The following LRRTM4 variants were observed in gnomAD, a reference collection of about 807,000 sequenced individuals.
The protein encoded by LRRTM4 is leucine-rich repeat transmembrane neuronal protein 4.
In LRRTM4, 25 loss-of-function variants were observed where a neutral mutation model predicts 47.6. That is an observed-to-expected ratio of 0.53 (90% CI 0.38 to 0.73). The LOEUF (loss-of-function observed/expected upper bound fraction) is 0.73. Ranked by LOEUF, LRRTM4 falls within the 30% of genes least tolerant of loss-of-function variation. The pLI, the probability that LRRTM4 is intolerant of heterozygous loss-of-function variation, is 0.00. For missense variants in LRRTM4, 638 were observed against 713.4 expected (o/e 0.89, Z 1.20); for synonymous variants, 311 against 269.5 (o/e 1.15, Z -1.51).
chr2:77,513,802 G>A (rs575745739), intron 3 of LRRTM4, among the ~76,000 whole-genome samples: 85 of 152,062 alleles, frequency 5.6e-4, no homozygotes, highest in African/African-American at 2.0e-3. Flanking sequence ...TTGACCTCAA[G>A]TAATCCACCC....
At chr2:77,173,492 T>C (rs1673110801) in intron 3 of LRRTM4, among the ~76,000 whole-genome samples, 1 of 152,204 alleles carries the variant, frequency 6.6e-6, no homozygotes, top group Non-Finnish European at 1.5e-5. Flanking sequence ...GTTACCTGCC[T>C]GAGCCCTGAA....
chr2:77,104,465 T>A (rs141130362), intron 3 of LRRTM4, among the ~76,000 whole-genome samples: 1 of 152,200 alleles, frequency 6.6e-6, no homozygotes, highest in African/African-American at 2.4e-5. Context: ...AGTGGTGATA[T>A]AGATTTTAAT....
At chr2:77,148,495 C>T (rs1489892216) in intron 3 of LRRTM4, among the ~76,000 whole-genome samples, 3 of 152,078 alleles carry the variant, frequency 2.0e-5, no homozygotes, top group African/African-American at 4.8e-5. Context: ...CTACATTAGC[C>T]AATTTACTTT....
chr2:76,781,993 C>T (rs1378835430), intron 3 of LRRTM4, among the ~76,000 whole-genome samples: 2 of 152,054 alleles, frequency 1.3e-5, no homozygotes, highest in East Asian at 3.9e-4. Flanking sequence ...ATTGTCAAAC[C>T]ATCCTTTGCT....
At chr2:76,933,588 G>C (rs1674845301) in intron 3 of LRRTM4, among the ~76,000 whole-genome samples, 1 of 151,964 alleles carries the variant, frequency 6.6e-6, no homozygotes, top group Non-Finnish European at 1.5e-5. Context: ...ATTAATTATT[G>C]CATTTAGATT....
intron 3 of LRRTM4, among the ~76,000 whole-genome samples, chr2:77,320,918 A>T (rs1677769523): frequency 6.6e-6 from 1 of 152,036 alleles, no homozygotes; most frequent in African/African-American, 2.4e-5. Context: ...CTTTTTTGAT[A>T]TTTCATCTCT....
At chr2:76,845,977 T>G (rs1210320656) in intron 3 of LRRTM4, among the ~76,000 whole-genome samples, 2 of 152,178 alleles carry the variant, frequency 1.3e-5, no homozygotes, top group African/African-American at 4.8e-5. Context: ...TACACGGATT[T>G]TTTTCAACCC....
At chr2:76,983,700 A>G (rs1553440235) in intron 3 of LRRTM4, among the ~76,000 whole-genome samples, 1 of 152,098 alleles carries the variant, frequency 6.6e-6, no homozygotes, top group African/African-American at 2.4e-5. Flanking sequence ...TCAAAATCAT[A>G]CATGAGATAG....
At chr2:76,919,183 GGGAGGTTGGCAGT>G (rs947568609) in intron 3 of LRRTM4, among the ~76,000 whole-genome samples, 40 of 152,128 alleles carry the variant, frequency 2.6e-4, no homozygotes, top group Non-Finnish European at 5.1e-4. Context: ...TTTTGGTGGG[GGGAGGTTGGCAGT>G]GGGAGTTCAA....
chr2:77,290,532 C>T (rs1267784606), intron 3 of LRRTM4, among the ~76,000 whole-genome samples: 3 of 151,582 alleles, frequency 2.0e-5, no homozygotes, highest in African/African-American at 4.8e-5. Context: ...TTGTATATAT[C>T]AAAATAACTA....
chr2:77,362,982 C>T (rs569987023), intron 3 of LRRTM4, among the ~76,000 whole-genome samples: 3 of 152,222 alleles, frequency 2.0e-5, no homozygotes, highest in South Asian at 4.2e-4. Context: ...TCTTTATAAA[C>T]ATCCATATGG....
chr2:77,108,167 C>T (rs1371775381), intron 3 of LRRTM4, among the ~76,000 whole-genome samples: 1 of 151,814 alleles, frequency 6.6e-6, no homozygotes, highest in Non-Finnish European at 1.5e-5. Context: ...TTACTGAATG[C>T]AAGAGCTCAG....
intron 3 of LRRTM4, among the ~76,000 whole-genome samples, chr2:76,760,715 C>G (rs537232768): frequency 5.9e-4 from 90 of 152,302 alleles, no homozygotes; most frequent in Middle Eastern, 3.4e-3. Context: ...CAGCCCAACA[C>G]TGACTTAGCG....
intron 3 of LRRTM4, among the ~76,000 whole-genome samples, chr2:76,813,760 T>C (rs1177975789): frequency 6.6e-6 from 1 of 152,094 alleles, no homozygotes; most frequent in Non-Finnish European, 1.5e-5. Flanking sequence ...CAATAAACCT[T>C]TTTAAGAATA....
At position 76,899,289 on chromosome 2, in the gene LRRTM4, G is replaced by A. The variant is rs193002565; in HGVS notation, c.1552-150373C>T. Among the ~76,000 whole-genome samples, 220 of 149,678 alleles carry A rather than the reference G, an allele frequency of 1.5e-3. 1 individual carries two copies. Among genetic ancestry groups the A allele is most frequent in the Non-Finnish European group, 2.7e-3 (180 of 67,600 alleles). On this transcript the variant is annotated intron_variant, in intron 3 of 3. Transcript: ENST00000409884. Reference sequence around the variant, plus strand: ...CCCTCATGAAACTTAAATTCTATTGGAGGGAGAGAAAGACTAATAAACCAC... The same window carrying A: ...CCCTCATGAAACTTAAATTCTATTGAAGGGAGAGAAAGACTAATAAACCAC...
chr2:77,417,886 A>G (rs904211288), intron 3 of LRRTM4, among the ~76,000 whole-genome samples: 2 of 152,150 alleles, frequency 1.3e-5, no homozygotes, highest in Non-Finnish European at 2.9e-5. Context: ...CGTTGTGCAC[A>G]TGTACCCTAA....
In LRRTM4 at chr2:76,951,622, T is replaced by A. The variant is rs539559857; in HGVS notation, c.1552-202706A>T. ...CTCAAACCTTCAGATAATAGATAATTTTTTTCTTTTACTTTAACTTCTGGG... is the reference window on the plus strand; with the variant it reads ...CTCAAACCTTCAGATAATAGATAATATTTTTCTTTTACTTTAACTTCTGGG... On this transcript the variant is annotated intron_variant, in intron 3 of 3. Transcript: ENST00000409884. Among the ~76,000 whole-genome samples the A allele has an allele frequency of 2.4e-4, 36 of 152,094 alleles. 1 individual carries two copies. The East Asian group carries it at 6.6e-3, about 28-fold the overall frequency.
At chr2:77,066,689 G>A (rs1426126322) in intron 3 of LRRTM4, among the ~76,000 whole-genome samples, 1 of 152,148 alleles carries the variant, frequency 6.6e-6, no homozygotes, top group Non-Finnish European at 1.5e-5. Flanking sequence ...AGATATGTAG[G>A]CATATACATG....
chr2:76,849,447 G>A (rs1671928910), intron 3 of LRRTM4, among the ~76,000 whole-genome samples: 1 of 151,924 alleles, frequency 6.6e-6, no homozygotes, highest in Non-Finnish European at 1.5e-5. Flanking sequence ...ATGTATTGTG[G>A]GGGGAAAATT....
Sources: allele counts gnomAD v4.1 joint callset (sites outside exome capture counted in the v4.1 genomes callset), GRCh38; gene constraint gnomAD v4.1.1; transcripts MANE v1.5; gene names NCBI Gene and HGNC (gene_info 2026-07-23, HGNC 2026-07-21).